Variants in NRXN1 observed in about 807,000 individuals in gnomAD.
NRXN1 encodes neurexin 1, also known as neurexin-1.
NRXN1 carries 39 observed loss-of-function variants against 150.9 expected under a neutral mutation model. The ratio of observed to expected loss-of-function variants is 0.26; its 90% confidence interval spans 0.20 to 0.34. NRXN1 has a LOEUF of 0.34. Among genes scored for constraint, NRXN1 ranks in the 10% least tolerant of loss-of-function variants. The pLI, the probability that NRXN1 is intolerant of heterozygous loss-of-function variation, is 1.00. For synonymous variants in NRXN1, 924 were observed against 757.0 expected (o/e 1.22, Z -3.62); for missense variants, 1,815 against 1,949.9 (o/e 0.93, Z 1.30).
intron 5 of NRXN1, among the ~76,000 whole-genome samples, chr2:50,732,557 T>C (rs1307542881): frequency 6.6e-6 from 1 of 152,170 alleles, no homozygotes; most frequent in Non-Finnish European, 1.5e-5. Context: ...TACAGATAAT[T>C]ATGTACTTAC....
At chr2:50,173,879 T>C (rs1241590899) in intron 18 of NRXN1, among the ~76,000 whole-genome samples, 2 of 152,146 alleles carry the variant, frequency 1.3e-5, no homozygotes, top group African/African-American at 4.8e-5. Flanking sequence ...AACCTTCTAA[T>C]ATGGTTTATT....
chr2:50,492,825 A>G (rs1296341331), intron 15 of NRXN1, among the ~76,000 whole-genome samples: 1 of 152,250 alleles, frequency 6.6e-6, no homozygotes, highest in African/African-American at 2.4e-5. Context: ...TTATACAAAA[A>G]TTTAAAAGTG....
At chr2:50,108,549 G>A (rs958499385) in intron 18 of NRXN1, among the ~76,000 whole-genome samples, 1 of 152,000 alleles carries the variant, frequency 6.6e-6, no homozygotes, top group Admixed American at 6.5e-5. Flanking sequence ...TTTCAAAATT[G>A]AGAAATCTAT....
At chr2:50,266,617 T>C (rs910593226) in intron 17 of NRXN1, among the ~76,000 whole-genome samples, 1 of 150,132 alleles carries the variant, frequency 6.7e-6, no homozygotes, top group Non-Finnish European at 1.5e-5. Flanking sequence ...CGTTTGAAAA[T>C]GGTAATAAGA....
intron 21 of NRXN1, among the ~76,000 whole-genome samples, chr2:50,021,486 G>T (rs536050402): frequency 1.2e-4 from 19 of 152,230 alleles, no homozygotes; most frequent in South Asian, 8.3e-4. Flanking sequence ...CATTTCTTTT[G>T]AATATCTCCT....
intron 5 of NRXN1, among the ~76,000 whole-genome samples, chr2:50,830,127 A>G (rs1671211950): frequency 6.6e-6 from 1 of 150,442 alleles, no homozygotes; most frequent in Non-Finnish European, 1.5e-5. Context: ...CTGGGCTTGC[A>G]CTTCTTTACT....
chr2:51,016,484 C>T (rs1668680691), intron 2 of NRXN1, among the ~76,000 whole-genome samples: 1 of 152,074 alleles, frequency 6.6e-6, no homozygotes, highest in Non-Finnish European at 1.5e-5. Context: ...ATATATGTAG[C>T]CAACAAATAT....
At chr2:50,047,622 T>G (rs1030049297) in intron 21 of NRXN1, among the ~76,000 whole-genome samples, 1 of 152,026 alleles carries the variant, frequency 6.6e-6, no homozygotes, top group African/African-American at 2.4e-5. Context: ...GATACCTACA[T>G]CTCGAATACT....
chr2:50,303,652 G>C (rs1369225776), intron 17 of NRXN1, among the ~76,000 whole-genome samples: 1 of 152,028 alleles, frequency 6.6e-6, no homozygotes, highest in South Asian at 2.1e-4. Context: ...TGAAATATTT[G>C]ATAAGCAGAA....
At position 50,700,404 on chromosome 2, in the gene NRXN1, G is replaced by T. The variant is rs190635425; in HGVS notation, c.833-76789C>A. Among the ~76,000 whole-genome samples the T allele has an allele frequency of 1.7e-3, 259 of 152,188 alleles. 1 individual carries two copies. Among genetic ancestry groups the T allele is most frequent in the Non-Finnish European group, 2.1e-3 (146 of 68,014 alleles). ...GGCCAATGGCAATTTTTCTGGACAA[G>T]ATATGGTGTAAATGGCAGGGCCAAA... On this transcript the variant is annotated intron_variant, in intron 5 of 22. Coordinates refer to ENST00000401669, the MANE Select transcript of NRXN1 (RefSeq NM_001330078.2).
rs200767650 is a variant in NRXN1, at chr2:50,465,433, G to A, written c.3364+9C>T. On this transcript the variant is annotated intron_variant, in intron 17 of 22. Coordinates refer to ENST00000401669, the MANE Select transcript of NRXN1 (RefSeq NM_001330078.2). ...ATGAGTATCAGTCCATACTCAGAGA[G>A]GTACTTACGGTCATTGCAGAGTGGT... The A allele has an allele frequency of 1.2e-4, 189 of 1,604,394 alleles. 1 individual carries two copies. The highest frequency in any genetic ancestry group is 1.1e-3 in the South Asian group (95 of 89,414).
intron 21 of NRXN1, among the ~76,000 whole-genome samples, chr2:49,994,972 T>C (rs960758555): frequency 2.6e-5 from 4 of 152,178 alleles, no homozygotes; most frequent in African/African-American, 7.2e-5. Context: ...AATTTAGGTG[T>C]AGTTCTCATA....
intron 18 of NRXN1, among the ~76,000 whole-genome samples, chr2:50,182,371 T>C (rs1027277188): frequency 6.6e-6 from 1 of 152,092 alleles, no homozygotes; most frequent in Non-Finnish European, 1.5e-5. Flanking sequence ...AATCCTAGAT[T>C]AGTGTCTGCG....
At chr2:50,865,635 T>C in intron 5 of NRXN1, among the ~76,000 whole-genome samples, 1 of 134,338 alleles carries the variant, frequency 7.4e-6, no homozygotes, top group East Asian at 2.2e-4. Context: ...TGGCACACAG[T>C]AATTCCCAGT....
intron 5 of NRXN1, chr2:50,918,699 C>T (rs1685570036): frequency 2.9e-6 from 1 of 339,676 alleles, no homozygotes; most frequent in Non-Finnish European, 5.4e-6. Context: ...GTTACACATA[C>T]ATAGGAAAAG....
At chr2:49,949,260 G>A (rs971676777) in intron 21 of NRXN1, among the ~76,000 whole-genome samples, 2 of 151,856 alleles carry the variant, frequency 1.3e-5, no homozygotes, top group Admixed American at 6.6e-5. Context: ...AAACACAGAT[G>A]TATGTTTGTT....
chr2:50,044,728 T>C (rs1691542460), intron 21 of NRXN1, among the ~76,000 whole-genome samples: 1 of 152,124 alleles, frequency 6.6e-6, no homozygotes, highest in East Asian at 1.9e-4. Flanking sequence ...GTGTGAGAAA[T>C]GGTTCTTCAA....
intron 18 of NRXN1, among the ~76,000 whole-genome samples, chr2:50,107,852 C>T (rs1054978289): frequency 2.0e-5 from 3 of 151,828 alleles, no homozygotes; most frequent in African/African-American, 4.8e-5. Context: ...CAGTATTTGG[C>T]TCATAATGGT....
chr2:50,769,496 A>G (rs1025927546), intron 5 of NRXN1, among the ~76,000 whole-genome samples: 10 of 152,138 alleles, frequency 6.6e-5, no homozygotes, highest in African/African-American at 2.2e-4. Flanking sequence ...GAGGAGGTTT[A>G]AAAGAGATGG....
Sources: gnomAD v4.1 joint callset for allele counts (sites outside exome capture counted in the v4.1 genomes callset) on GRCh38, gnomAD v4.1.1 for gene constraint, MANE v1.5 for transcripts, NCBI Gene and HGNC (gene_info 2026-07-23, HGNC 2026-07-21) for gene names.